The following ATXN10 variants were observed in gnomAD, a reference collection of about 807,000 sequenced individuals.
ATXN10 encodes ataxin-10.
In ATXN10, 28 loss-of-function variants were observed where a neutral mutation model predicts 52.9. That is an observed-to-expected ratio of 0.53 (90% CI 0.39 to 0.73). ATXN10 has a LOEUF of 0.73. Among genes scored for constraint, ATXN10 ranks in the 30% least tolerant of loss-of-function variants. The pLI is 0.00. For synonymous variants in ATXN10, 226 were observed against 221.5 expected (o/e 1.02, Z -0.18); for missense variants, 565 against 577.0 (o/e 0.98, Z 0.21).
chr22:45,699,875 C>G (rs1453766126), intron 3 of ATXN10, among the ~76,000 whole-genome samples: 1 of 142,728 alleles, frequency 7.0e-6, no homozygotes, highest in Non-Finnish European at 1.5e-5. Flanking sequence ...GAGACAGAGT[C>G]TCACTCTGTC....
At chr22:45,730,692 C>T (rs2146790612) in intron 7 of ATXN10, among the ~76,000 whole-genome samples, 1 of 152,324 alleles carries the variant, frequency 6.6e-6, no homozygotes, top group East Asian at 1.9e-4. Context: ...CTGCCTCGGC[C>T]TGCCAAGGTG....
intron 9 of ATXN10, among the ~76,000 whole-genome samples, chr22:45,743,373 A>T (rs769959910): frequency 6.6e-6 from 1 of 152,198 alleles, no homozygotes; most frequent in Non-Finnish European, 1.5e-5. Flanking sequence ...AGTGTTCTTT[A>T]TTCTTGTAGC....
At chr22:45,689,448 T>C in intron 1 of ATXN10, 1 of 492,962 alleles carries the variant, frequency 2.0e-6, no homozygotes. Context: ...ACTTACCTTA[T>C]CTGTAAATGG....
intron 9 of ATXN10, among the ~76,000 whole-genome samples, chr22:45,791,001 C>T (rs1197483864): frequency 4.6e-5 from 7 of 152,146 alleles, no homozygotes; most frequent in African/African-American, 1.4e-4. Context: ...ACTACAGTTA[C>T]ACACTGTCAC....
intron 9 of ATXN10, among the ~76,000 whole-genome samples, chr22:45,748,428 G>T (rs1248618415): frequency 6.6e-6 from 1 of 152,144 alleles, no homozygotes; most frequent in Non-Finnish European, 1.5e-5. Flanking sequence ...GGGCTTTATG[G>T]AGGAAGTAAA....
chr22:45,835,088 C>T lies in ATXN10; in HGVS notation c.1238-7903C>T, dbSNP rs1188112668. Among the ~76,000 whole-genome samples, 1 of 152,230 alleles carries T rather than the reference C, an allele frequency of 6.6e-6. No homozygotes were observed. Among genetic ancestry groups the T allele is most frequent in the African/African-American group, 2.4e-5 (1 of 41,466 alleles). On this transcript the variant is annotated intron_variant, in intron 10 of 11. Transcript: ENST00000252934. This position sits in a 1 kb window ranked among gnomAD's most constrained non-coding sequence, Gnocchi z 5.0. ...ATGTACAAAATTAGTTTCATTGCCA[C>T]AGGATCCTTCACCGCCAAAACCCCG...
chr22:45,761,340 G>C (rs1401790521), intron 9 of ATXN10, among the ~76,000 whole-genome samples: 3 of 152,150 alleles, frequency 2.0e-5, no homozygotes, highest in African/African-American at 7.2e-5. Context: ...TAAGCTCCAT[G>C]TCTGTTTGCT....
chr22:45,720,659 T>C (rs1272198558), intron 6 of ATXN10, among the ~76,000 whole-genome samples: 2 of 152,200 alleles, frequency 1.3e-5, no homozygotes, highest in Non-Finnish European at 2.9e-5. Flanking sequence ...CCCATTAGGA[T>C]GGCTACTATC....
chr22:45,709,740 C>T (rs1012072935), intron 5 of ATXN10, among the ~76,000 whole-genome samples: 1 of 152,206 alleles, frequency 6.6e-6, no homozygotes, highest in Non-Finnish European at 1.5e-5. Flanking sequence ...TTTACATATA[C>T]AGCTTCCTAT....
chr22:45,831,974 A>G (rs544791729), intron 10 of ATXN10, among the ~76,000 whole-genome samples: 5 of 152,308 alleles, frequency 3.3e-5, no homozygotes, highest in Non-Finnish European at 5.9e-5. Flanking sequence ...CACCTGTCCA[A>G]GTTCATAGGT....
At chr22:45,679,325 C>G (rs971597732) in intron 1 of ATXN10, 8 of 152,112 alleles carry the variant, frequency 5.3e-5, no homozygotes, top group African/African-American at 1.9e-4. Context: ...TGAGAGCATA[C>G]AAGAAAGACT....
intron 6 of ATXN10, among the ~76,000 whole-genome samples, chr22:45,723,793 T>C (rs926261282): frequency 2.6e-5 from 4 of 152,060 alleles, no homozygotes; most frequent in Non-Finnish European, 5.9e-5. Flanking sequence ...CCGTCTCTAC[T>C]AAAAATACAA....
At chr22:45,834,595 C>T (rs980712655) in intron 10 of ATXN10, among the ~76,000 whole-genome samples, 2 of 152,234 alleles carry the variant, frequency 1.3e-5, no homozygotes, top group African/African-American at 4.8e-5. Flanking sequence ...TTTATTAAAT[C>T]ACACCTCCCT....
At chr22:45,716,120 CT>C (rs1924433884) in intron 5 of ATXN10, among the ~76,000 whole-genome samples, 1 of 151,972 alleles carries the variant, frequency 6.6e-6, no homozygotes, top group Non-Finnish European at 1.5e-5. Flanking sequence ...ATAAAAAAAG[CT>C]GCGTATGGTG....
Position 45,689,781 on chromosome 22 carries a change from G to T in ATXN10, c.186G>T (p.Glu62Asp), listed in dbSNP as rs1434564823. ...DILKKSSHAV[E>D]LACRDPSQVE... ...TAAAGAAATCTTCTCATGCTGTTGA[G>T]CTTGCCTGCAGAGATCCATCCCAAG... The change falls in exon 2 of 12, where the codon GAG (glutamate) becomes GAT (aspartate). Residue 62 changes from glutamate to aspartate, a missense_variant. Physicochemically the swap from Glu to Asp is conservative, Grantham distance 45 (BLOSUM62 2). Transcript: ENST00000252934. The T allele has an allele frequency of 6.2e-7, 1 of 1,614,058 alleles. No individual in the cohort carries two copies. The highest frequency in any genetic ancestry group is 1.3e-5 in the African/African-American group (1 of 74,910).
chr22:45,778,881 A>G (rs765338840), intron 9 of ATXN10, among the ~76,000 whole-genome samples: 4 of 152,210 alleles, frequency 2.6e-5, no homozygotes, highest in South Asian at 2.1e-4. Context: ...TATTTGTACA[A>G]AAAGGTCCTA....
intron 3 of ATXN10, 21 bp downstream of exon 3, chr22:45,693,099 T>C (rs1478029623): frequency 6.3e-7 from 1 of 1,597,448 alleles, no homozygotes; most frequent in Non-Finnish European, 8.6e-7. Context: ...ATATAATTCA[T>C]GGATTATTTA....
At chr22:45,785,527 A>T (rs1046224737) in intron 9 of ATXN10, among the ~76,000 whole-genome samples, 1 of 152,244 alleles carries the variant, frequency 6.6e-6, no homozygotes, top group East Asian at 1.9e-4. Flanking sequence ...TTTATTGAGC[A>T]CTTTCTAGAA....
rs1386473594 is a variant in ATXN10 at position 45,750,395 on chromosome 22, C to T, written c.1173+9857C>T. On this transcript the variant is annotated intron_variant, in intron 9 of 11. Transcript: ENST00000252934. The surrounding 1 kb of genome is among the most constrained non-coding windows in gnomAD (Gnocchi z 4.2). ...ACAGGTGTGAGTCACCACGCCCGGC[C>T]GACAACAGTGATTTTAAATGGATTT... Among the ~76,000 whole-genome samples, 3 of 152,030 alleles carry T rather than the reference C, an allele frequency of 2.0e-5. No individual in the cohort carries two copies. Among genetic ancestry groups the T allele is most frequent in the Admixed American group, 6.5e-5 (1 of 15,270 alleles).
Sources: allele counts gnomAD v4.1 joint callset (sites outside exome capture counted in the v4.1 genomes callset), GRCh38; gene constraint gnomAD v4.1.1; non-coding constraint Gnocchi (gnomAD v3.1); transcripts MANE v1.5; gene names NCBI Gene and HGNC (gene_info 2026-07-23, HGNC 2026-07-21).